Variants in MRPL13 observed in about 807,000 individuals in gnomAD.
MRPL13 encodes large ribosomal subunit protein uL13m.
Under a neutral mutation model 29.0 loss-of-function variants are expected in MRPL13, and 33 were observed. The ratio of observed to expected loss-of-function variants is 1.14; its 90% CI spans 0.86 to 1.52. The LOEUF (loss-of-function observed/expected upper bound fraction) is 1.52, where lower values mean the gene tolerates loss of function less well. MRPL13 is among the 40% of genes most tolerant of loss of function. The pLI is 0.00. For missense variants in MRPL13, 227 were observed against 216.7 expected, an observed-to-expected ratio of 1.05 and a Z score of -0.30; for synonymous variants, 77 against 68.4, an observed-to-expected ratio of 1.13 and a Z score of -0.62.
Position 120,443,198 on chromosome 8 carries a change from C to T in MRPL13, c.138G>A (p.Val46=), listed in dbSNP as rs370882077. The T allele has an allele frequency of 4.4e-6, 7 of 1,595,284 alleles. No individual in the cohort carries two copies. The highest frequency in any genetic ancestry group is 6.0e-6 in the Non-Finnish European group (7 of 1,172,850). ...SIRLQGLHKP[V]YHALSDCGDH... is the part of the protein sequence containing the mutation. ...AATAATACTTACTCAGTGCATGGTA[C>T]ACAGGTTTATGTAATCCCTGAAGTC... Residue 46 remains valine, a synonymous_variant, in exon 2 of 7, where the codon GTG becomes GTA. Coordinates refer to ENST00000306185, the MANE Select transcript of MRPL13 (RefSeq NM_014078.6).
chr8:120,439,373 G>A (rs80348404), intron 2 of MRPL13, among the ~76,000 whole-genome samples: 1 of 152,192 alleles, frequency 6.6e-6, no homozygotes, highest in Non-Finnish European at 1.5e-5. Flanking sequence ...TAATATGTGT[G>A]TTAGATAAGC....
At chr8:120,413,857 A>G (rs184700960) in intron 6 of MRPL13, 134 bp downstream of exon 6, 2 of 1,121,084 alleles carry the variant, frequency 1.8e-6, no homozygotes, top group Admixed American at 3.2e-5. Context: ...ATTTGTAGGT[A>G]GTAGCTGCTG....
At chr8:120,440,203 T>C (rs1813101902) in intron 2 of MRPL13, among the ~76,000 whole-genome samples, 1 of 152,230 alleles carries the variant, frequency 6.6e-6, no homozygotes, top group Non-Finnish European at 1.5e-5. Context: ...AGCAGAGGAA[T>C]CAGGCGAGGC....
intron 6 of MRPL13, among the ~76,000 whole-genome samples, chr8:120,400,519 A>G (rs1413788829): frequency 6.6e-6 from 1 of 152,070 alleles, no homozygotes. Context: ...CCACGACAAA[A>G]AGCTACTTAG....
Position 120,415,650 on chromosome 8 carries a change from C to A in MRPL13, c.394-1538G>T, listed in dbSNP as rs375472257. ...ACATACAGAAAACACAATAGATACT[C>A]TTGATAATGTGCTTCTTCACTGAAA... On this transcript the variant is annotated intron_variant, in intron 5 of 6. Transcript: ENST00000306185. 190 of 152,216 alleles carry A rather than the reference C, an allele frequency of 1.2e-3. 1 individual carries two copies. Among genetic ancestry groups the A allele is most frequent in the African/African-American group, 4.3e-3 (180 of 41,540 alleles). The allele number at this position is 152,216 out of a possible 1,614,324, so 9.4% of individuals were successfully genotyped here.
chr8:120,415,425 A>AATT (rs1812792272), intron 5 of MRPL13: 3 of 152,308 alleles, frequency 2.0e-5, no homozygotes, highest in Admixed American at 2.0e-4. Context: ...ATAAGGCAGC[A>AATT]CTTTGATCAA....
intron 2 of MRPL13, among the ~76,000 whole-genome samples, chr8:120,436,695 T>G (rs2130484050): frequency 6.6e-6 from 1 of 152,292 alleles, no homozygotes; most frequent in East Asian, 1.9e-4. Flanking sequence ...CTTAGGCTTC[T>G]AAAAGGTGAC....
intron 4 of MRPL13, among the ~76,000 whole-genome samples, chr8:120,423,594 G>A (rs1812898470): frequency 6.6e-6 from 1 of 152,006 alleles, no homozygotes; most frequent in Non-Finnish European, 1.5e-5. Flanking sequence ...AAAAGCTGAG[G>A]GAAAAATAAT....
intron 2 of MRPL13, among the ~76,000 whole-genome samples, chr8:120,433,532 CTA>C (rs1813020254): frequency 6.6e-6 from 1 of 152,038 alleles, no homozygotes; most frequent in African/African-American, 2.4e-5. Context: ...CAAAAAATAT[CTA>C]CAGAGAGCAA....
At position 120,395,966 on chromosome 8, in the gene MRPL13, A is replaced by C; in HGVS notation, c.*138T>G. 3.0e-6 allele frequency: 2 copies of C among 665,586 alleles called. No individual in the cohort carries two copies. Among genetic ancestry groups the C allele is most frequent in the Non-Finnish European group, 5.2e-6 (2 of 387,762 alleles). The allele number at this position is 665,586 out of a possible 1,614,324, so 41.2% of individuals were successfully genotyped here. ...CCTATTGAAGGACTATACCTTCCTG[A>C]CCTTTCCCCACAGTGATTCGGCACA... On this transcript the variant is annotated 3_prime_UTR_variant, in exon 7 of 7. Coordinates refer to ENST00000306185, the MANE Select transcript of MRPL13 (RefSeq NM_014078.6).
At chr8:120,433,970 TAGTA>T (rs1168170850) in intron 2 of MRPL13, among the ~76,000 whole-genome samples, 1 of 152,114 alleles carries the variant, frequency 6.6e-6, no homozygotes, top group Non-Finnish European at 1.5e-5. Context: ...AGTTGAAAAA[TAGTA>T]AGCAATTTTT....
intron 2 of MRPL13, among the ~76,000 whole-genome samples, chr8:120,442,560 C>T (rs2130489794): frequency 6.6e-6 from 1 of 152,174 alleles, no homozygotes; most frequent in Admixed American, 6.5e-5. Context: ...TGATCAATTG[C>T]AGCAAATGCT....
intron 6 of MRPL13, among the ~76,000 whole-genome samples, chr8:120,408,420 C>T (rs1174930757): frequency 6.6e-6 from 1 of 152,190 alleles, no homozygotes; most frequent in Non-Finnish European, 1.5e-5. Flanking sequence ...GATCTATTCA[C>T]ATCCAAAAGA....
At chr8:120,399,259 C>T (rs1812560279) in intron 6 of MRPL13, among the ~76,000 whole-genome samples, 1 of 152,132 alleles carries the variant, frequency 6.6e-6, no homozygotes, top group Non-Finnish European at 1.5e-5. Context: ...GGCCAGGTCA[C>T]CTACGAAGAG....
chr8:120,426,506 AT>A lies in MRPL13; in HGVS notation c.246-1141del, dbSNP rs1170803782. Among the ~76,000 whole-genome samples the A allele has an allele frequency of 2.0e-5, 3 of 152,228 alleles. No homozygotes were observed. The East Asian group carries it at 5.8e-4, about 29-fold the overall frequency. On this transcript the variant is annotated intron_variant, in intron 3 of 6. Coordinates refer to ENST00000306185, the MANE Select transcript of MRPL13 (RefSeq NM_014078.6). Reference sequence around the variant, plus strand: ...GCATTCTTTCTCTCCATGGAAAAAAATATTTTACAATTTCTATGCTGAAAGA... The same window carrying A: ...GCATTCTTTCTCTCCATGGAAAAAAAATTTTACAATTTCTATGCTGAAAGA...
At chr8:120,440,825 T>C (rs920790027) in intron 2 of MRPL13, among the ~76,000 whole-genome samples, 3 of 152,012 alleles carry the variant, frequency 2.0e-5, no homozygotes, top group Non-Finnish European at 2.9e-5. Context: ...AAAAGATAAC[T>C]GTAGTTGATC....
At position 120,425,310 on chromosome 8, in the gene MRPL13, A is replaced by G. The variant is rs1377528807; in HGVS notation, c.302T>C (p.Val101Ala). The change falls in exon 4 of 7, where the codon GTG becomes GCG. Residue 101 changes from valine (V) to alanine (A), a missense_variant. Val to Ala is a moderately conservative substitution (Grantham distance 64, BLOSUM62 0). Transcript: ENST00000306185. ...TAAAAAATACAAGAAACTTACTGCC[A>G]CTGGATCCCTCAGGTGAAGCTGAGC... ...TAAQLHLRDP[V>A]AIVKLAIYGM... 6.2e-7 allele frequency: 1 copy of G among 1,611,352 alleles called. No individual in the cohort carries two copies. Among genetic ancestry groups the G allele is most frequent in the Non-Finnish European group, 8.5e-7 (1 of 1,178,068 alleles).
chr8:120,440,608 C>CAA (rs1201388855), intron 2 of MRPL13, among the ~76,000 whole-genome samples: 28 of 125,242 alleles, frequency 2.2e-4, no homozygotes, highest in African/African-American at 3.4e-4. Context: ...CTCTCTCTCT[C>CAA]AAAAAAAAAA....
At chr8:120,436,544 GAT>G (rs1320377362) in intron 2 of MRPL13, among the ~76,000 whole-genome samples, 2 of 152,004 alleles carry the variant, frequency 1.3e-5, no homozygotes, top group African/African-American at 4.8e-5. Context: ...TTATAGTTTA[GAT>G]ATGTCTTTTG....
Sources: gnomAD v4.1 joint callset for allele counts (sites outside exome capture counted in the v4.1 genomes callset) on GRCh38, gnomAD v4.1.1 for gene constraint, MANE v1.5 for transcripts, NCBI Gene and HGNC (gene_info 2026-07-23, HGNC 2026-07-21) for gene names.